Variants in THSD7B observed in about 807,000 individuals in gnomAD.
THSD7B encodes the protein thrombospondin type 1 domain containing 7B, also known as thrombospondin type-1 domain-containing protein 7B.
A neutral mutation model predicts 213.6 loss-of-function variants in THSD7B; 138 were observed. The observed-to-expected ratio is 0.65, with a 90% CI of 0.56 to 0.74. The LOEUF (loss-of-function observed/expected upper bound fraction) is 0.74. Ranked by LOEUF, THSD7B falls within the 30% of genes least tolerant of loss-of-function variation. The pLI, the probability that THSD7B is intolerant of heterozygous loss-of-function variation, is 0.00. For synonymous variants in THSD7B, 742 were observed against 687.0 expected (o/e 1.08, Z -1.25); for missense variants, 1,931 against 1,991.5 (o/e 0.97, Z 0.58).
chr2:137,556,902 A>G (rs999783090), intron 15 of THSD7B, among the ~76,000 whole-genome samples: 2 of 152,192 alleles, frequency 1.3e-5, no homozygotes, highest in African/African-American at 4.8e-5. Context: ...CTAGTCTCTG[A>G]TAAAACAGAC....
intron 2 of THSD7B, among the ~76,000 whole-genome samples, chr2:136,951,828 G>A (rs1467229158): frequency 6.6e-6 from 1 of 151,750 alleles, no homozygotes; most frequent in Non-Finnish European, 1.5e-5. Context: ...CTACAATGCA[G>A]ATAAGGCATC....
At chr2:136,942,084 C>A (rs1408855515) in intron 2 of THSD7B, among the ~76,000 whole-genome samples, 2 of 152,202 alleles carry the variant, frequency 1.3e-5, no homozygotes, top group Non-Finnish European at 2.9e-5. Flanking sequence ...GTTTTCCTAG[C>A]ACCATTTATT....
intron 1 of THSD7B, among the ~76,000 whole-genome samples, chr2:136,768,740 G>C (rs4387857): frequency 2.6e-5 from 4 of 152,178 alleles, no homozygotes; most frequent in African/African-American, 9.6e-5. Context: ...GAGTTACTTA[G>C]ATATGCTGTT....
At chr2:137,390,025 T>G (rs1685983726) in intron 12 of THSD7B, among the ~76,000 whole-genome samples, 1 of 152,100 alleles carries the variant, frequency 6.6e-6, no homozygotes, top group Admixed American at 6.5e-5. Flanking sequence ...TTGGTTCAGC[T>G]AAACTGGCTC....
chr2:137,346,494 C>T (rs1268109441), intron 12 of THSD7B, among the ~76,000 whole-genome samples: 3 of 150,936 alleles, frequency 2.0e-5, no homozygotes, highest in Non-Finnish European at 4.4e-5. Context: ...CTCTCTCTCT[C>T]TCTCCCTCTC....
At chr2:137,376,695 G>T (rs551443799) in intron 12 of THSD7B, among the ~76,000 whole-genome samples, 1 of 152,188 alleles carries the variant, frequency 6.6e-6, no homozygotes. Context: ...AGCATATTGC[G>T]TAGTTATAGG....
chr2:137,019,339 T>A (rs1403842549), intron 2 of THSD7B, among the ~76,000 whole-genome samples: 1 of 152,196 alleles, frequency 6.6e-6, no homozygotes, highest in African/African-American at 2.4e-5. Flanking sequence ...TACTCAGTAT[T>A]TATGTGAATA....
intron 14 of THSD7B, among the ~76,000 whole-genome samples, chr2:137,448,847 C>T (rs1242346203): frequency 6.8e-6 from 1 of 147,116 alleles, no homozygotes; most frequent in African/African-American, 2.7e-5. Context: ...AAAAACTACC[C>T]TTTCCTGGGT....
At chr2:137,583,481 T>G (rs1274746362) in intron 17 of THSD7B, among the ~76,000 whole-genome samples, 3 of 152,218 alleles carry the variant, frequency 2.0e-5, no homozygotes, top group African/African-American at 7.2e-5. Context: ...GGTCTAACAT[T>G]TAAGTCTTAA....
chr2:136,775,959 G>T (rs1469663421), intron 1 of THSD7B, among the ~76,000 whole-genome samples: 1 of 152,042 alleles, frequency 6.6e-6, no homozygotes, highest in Non-Finnish European at 1.5e-5. Context: ...CAGCCTACTG[G>T]GTTCCTCAAG....
intron 4 of THSD7B, among the ~76,000 whole-genome samples, chr2:137,099,658 G>T (rs562255334): frequency 5.3e-5 from 8 of 152,136 alleles, no homozygotes; most frequent in Admixed American, 6.6e-5. Flanking sequence ...TATGAAAATG[G>T]CTGTTCTGTC....
At chr2:137,328,884 A>G (rs1053405935) in intron 12 of THSD7B, among the ~76,000 whole-genome samples, 3 of 152,122 alleles carry the variant, frequency 2.0e-5, no homozygotes, top group African/African-American at 7.2e-5. Context: ...TTCTTCTATG[A>G]TTGTAAGTTT....
intron 12 of THSD7B, among the ~76,000 whole-genome samples, chr2:137,382,798 T>C (rs1685806767): frequency 6.6e-6 from 1 of 152,148 alleles, no homozygotes; most frequent in Admixed American, 6.5e-5. Flanking sequence ...AATAAGGCCA[T>C]GGGGTCTGAG....
At chr2:137,203,821 T>C (rs1216770354) in intron 7 of THSD7B, among the ~76,000 whole-genome samples, 1 of 152,072 alleles carries the variant, frequency 6.6e-6, no homozygotes, top group African/African-American at 2.4e-5. Context: ...AAATTTTTAA[T>C]AGAGATTTAG....
chr2:136,894,593 G>T (rs1683921129), intron 2 of THSD7B, among the ~76,000 whole-genome samples: 1 of 152,126 alleles, frequency 6.6e-6, no homozygotes, highest in Admixed American at 6.6e-5. Flanking sequence ...CATATTACGT[G>T]CTTGAGTCAT....
chr2:137,113,783 A>G (rs1241910115), intron 4 of THSD7B, among the ~76,000 whole-genome samples: 3 of 152,048 alleles, frequency 2.0e-5, no homozygotes, highest in African/African-American at 7.2e-5. Context: ...AAGGACCTGA[A>G]GTCTGCACTC....
chr2:136,897,066 C>T (rs549582531), intron 2 of THSD7B, among the ~76,000 whole-genome samples: 10 of 152,132 alleles, frequency 6.6e-5, no homozygotes, highest in African/African-American at 2.4e-4. Flanking sequence ...CTACCTCAGC[C>T]TCCCAAGTAG....
chr2:137,034,605 G>T (rs1332018250), intron 2 of THSD7B, among the ~76,000 whole-genome samples: 1 of 151,932 alleles, frequency 6.6e-6, no homozygotes, highest in South Asian at 2.1e-4. Context: ...CCACCAACAG[G>T]CCCCTGTGTG....
chr2:137,099,499 G>A (rs977821065), intron 4 of THSD7B, among the ~76,000 whole-genome samples: 7 of 152,268 alleles, frequency 4.6e-5, no homozygotes, highest in African/African-American at 1.4e-4. Context: ...GATCTCTTGC[G>A]CTTTAATAGA....
Sources: allele counts gnomAD v4.1 joint callset (sites outside exome capture counted in the v4.1 genomes callset), GRCh38; gene constraint gnomAD v4.1.1; transcripts MANE v1.5; gene names NCBI Gene and HGNC (gene_info 2026-07-23, HGNC 2026-07-21).